Variants in MALRD1 observed in about 807,000 individuals in gnomAD.
MALRD1 encodes the protein MAM and LDL-receptor class A domain-containing protein 1.
MALRD1 carries 247 observed loss-of-function variants against 242.1 expected under a neutral mutation model. The ratio of observed to expected loss-of-function variants is 1.02; its 90% CI spans 0.92 to 1.13. MALRD1 has a LOEUF of 1.13. Ranked by LOEUF, MALRD1 falls within the 50% of genes most tolerant of loss-of-function variation. The probability of loss-of-function intolerance (pLI) is 0.00; values close to 1 mark genes in which losing one functional copy is unlikely to be tolerated. For missense variants in MALRD1, 2,989 were observed against 2,533.1 expected, an observed-to-expected ratio of 1.18 and a Z score of -3.86; for synonymous variants, 995 against 866.6, an observed-to-expected ratio of 1.15 and a Z score of -2.60.
At chr10:19,699,183 A>T (rs1013524042) in intron 38 of MALRD1, among the ~76,000 whole-genome samples, 2 of 151,288 alleles carry the variant, frequency 1.3e-5, no homozygotes. Flanking sequence ...CGTTCTGCAG[A>T]TGTATCCCAG....
intron 28 of MALRD1, among the ~76,000 whole-genome samples, chr10:19,449,806 C>T (rs779221461): frequency 6.6e-6 from 1 of 152,066 alleles, no homozygotes; most frequent in African/African-American, 2.4e-5. Flanking sequence ...GCCTGTATAG[C>T]AAACCTGCAC....
chr10:19,495,757 C>T (rs1480543067), intron 30 of MALRD1, among the ~76,000 whole-genome samples: 1 of 151,924 alleles, frequency 6.6e-6, no homozygotes, highest in African/African-American at 2.4e-5. Context: ...GGCAAAATGC[C>T]CCAATTAAAA....
chr10:19,503,441 A>G (rs191477932), intron 31 of MALRD1, among the ~76,000 whole-genome samples: 253 of 152,334 alleles, frequency 1.7e-3, no homozygotes, highest in Admixed American at 5.4e-3. Context: ...TCACAGGGCT[A>G]TTTATGAGCC....
chr10:19,107,876 C>A (rs1437465829), intron 5 of MALRD1, among the ~76,000 whole-genome samples: 1 of 151,970 alleles, frequency 6.6e-6, no homozygotes, highest in South Asian at 2.1e-4. Context: ...CTGATAACAA[C>A]TTAAATTTGG....
intron 28 of MALRD1, among the ~76,000 whole-genome samples, chr10:19,398,365 A>T (rs1056978060): frequency 6.6e-6 from 1 of 151,024 alleles, no homozygotes; most frequent in African/African-American, 2.4e-5. Flanking sequence ...AAATATTTTT[A>T]AAAATCTGTA....
At chr10:19,101,785 T>C (rs1836269326) in intron 4 of MALRD1, among the ~76,000 whole-genome samples, 1 of 135,922 alleles carries the variant, frequency 7.4e-6, no homozygotes, top group African/African-American at 2.6e-5. Flanking sequence ...TTATTATATA[T>C]CCAACTGGGA....
intron 36 of MALRD1, among the ~76,000 whole-genome samples, chr10:19,691,415 G>T (rs1172536680): frequency 6.6e-6 from 1 of 152,016 alleles, no homozygotes; most frequent in Non-Finnish European, 1.5e-5. Context: ...TACTGAAGAA[G>T]CATTGCTTCT....
intron 17 of MALRD1, among the ~76,000 whole-genome samples, chr10:19,206,364 G>T (rs545659883): frequency 5.9e-5 from 9 of 152,224 alleles, no homozygotes; most frequent in East Asian, 1.9e-4. Flanking sequence ...ATTTGAGTGG[G>T]TATAATTAAA....
chr10:19,726,166 A>G (rs975877156), intron 38 of MALRD1, among the ~76,000 whole-genome samples: 5 of 152,212 alleles, frequency 3.3e-5, no homozygotes, highest in African/African-American at 7.2e-5. Context: ...TGAAAAGACA[A>G]TCTACAAAAT....
chr10:19,531,423 C>G, intron 32 of MALRD1, 72 bp downstream of exon 32: 1 of 1,370,332 alleles, frequency 7.3e-7, no homozygotes, highest in South Asian at 1.6e-5. Context: ...CTTCCCTTGT[C>G]TTATTTGTAT....
intron 38 of MALRD1, among the ~76,000 whole-genome samples, chr10:19,718,991 G>A (rs369524748): frequency 6.7e-6 from 1 of 150,196 alleles, no homozygotes; most frequent in Non-Finnish European, 1.5e-5. Context: ...AGCTCATCTC[G>A]GCAGAACAAT....
At chr10:19,633,389 C>T (rs1254421248) in intron 36 of MALRD1, among the ~76,000 whole-genome samples, 2 of 152,120 alleles carry the variant, frequency 1.3e-5, no homozygotes, top group South Asian at 2.1e-4. Context: ...AGTAAAAGCT[C>T]GTAGGAACGT....
intron 14 of MALRD1, among the ~76,000 whole-genome samples, chr10:19,197,484 C>T (rs1056321503): frequency 6.6e-6 from 1 of 152,260 alleles, no homozygotes; most frequent in African/African-American, 2.4e-5. Flanking sequence ...ATAATATCTT[C>T]TTATTCTACC....
chr10:19,589,032 G>A (rs1448504322), intron 33 of MALRD1, among the ~76,000 whole-genome samples: 4 of 152,130 alleles, frequency 2.6e-5, no homozygotes, highest in African/African-American at 9.7e-5. Flanking sequence ...ATAAAGACAA[G>A]GGTAAACATT....
intron 21 of MALRD1, among the ~76,000 whole-genome samples, chr10:19,320,250 G>T (rs1842869034): frequency 6.6e-6 from 1 of 151,724 alleles, no homozygotes; most frequent in Non-Finnish European, 1.5e-5. Flanking sequence ...GCCCCAGTGT[G>T]TGATGTTCCC....
At chr10:19,350,654 G>A (rs1844333894) in intron 25 of MALRD1, among the ~76,000 whole-genome samples, 1 of 152,132 alleles carries the variant, frequency 6.6e-6, no homozygotes, top group African/African-American at 2.4e-5. Context: ...TTGGAAATAG[G>A]GGTGTTGGTG....
chr10:19,417,974 TACAC>T (rs762860654), intron 28 of MALRD1, among the ~76,000 whole-genome samples: 4 of 151,862 alleles, frequency 2.6e-5, no homozygotes, highest in Non-Finnish European at 4.4e-5. Context: ...AAACCACACA[TACAC>T]ACGCACACAC....
At chr10:19,634,622 G>A (rs116731504) in intron 36 of MALRD1, among the ~76,000 whole-genome samples, 1 of 152,064 alleles carries the variant, frequency 6.6e-6, no homozygotes, top group African/African-American at 2.4e-5. Flanking sequence ...GATTCTGTTG[G>A]TAAGAAAGGA....
chr10:19,161,943 A>C lies in MALRD1; in HGVS notation c.1657-3694A>C, dbSNP rs1834441300. Among the ~76,000 whole-genome samples, 3 of 152,010 alleles carry C rather than the reference A, an allele frequency of 2.0e-5. No homozygotes were observed. The South Asian group carries it at 6.2e-4, about 31-fold the overall frequency. ...CTCTGGAGGCTGAGGCAGGAGAATC[A>C]CTTGAACCCAGGAAGTGGAGGCTGC... is the stretch of plus-strand genomic sequence containing the variant. On this transcript the variant is annotated intron_variant, in intron 12 of 39. Coordinates refer to ENST00000454679, the MANE Select transcript of MALRD1 (RefSeq NM_001142308.3).
Sources: gnomAD v4.1 joint callset for allele counts (sites outside exome capture counted in the v4.1 genomes callset) on GRCh38, gnomAD v4.1.1 for gene constraint, MANE v1.5 for transcripts, NCBI Gene and HGNC (gene_info 2026-07-23, HGNC 2026-07-21) for gene names.